Variants in SRFBP1 observed in about 807,000 individuals in gnomAD.
SRFBP1 encodes serum response factor-binding protein 1.
SRFBP1 carries 47 observed loss-of-function variants against 45.5 expected under a neutral mutation model. The observed-to-expected ratio is 1.03, with a 90% CI of 0.82 to 1.32. The LOEUF is 1.32. Ranked by LOEUF, SRFBP1 falls within the 40% of genes most tolerant of loss-of-function variation. SRFBP1 has a pLI of 0.00. For synonymous variants in SRFBP1, 203 were observed against 166.3 expected (o/e 1.22, Z -1.70); for missense variants, 621 against 484.6 (o/e 1.28, Z -2.64).
At chr5:121,995,691 A>C (rs1197393628) in intron 4 of SRFBP1, among the ~76,000 whole-genome samples, 3 of 152,150 alleles carry the variant, frequency 2.0e-5, no homozygotes, top group African/African-American at 7.2e-5. Flanking sequence ...ATAGAGACAC[A>C]AAAAACCCTT....
intron 4 of SRFBP1, among the ~76,000 whole-genome samples, chr5:121,998,125 G>C (rs906398395): frequency 2.7e-5 from 4 of 150,802 alleles, no homozygotes; most frequent in African/African-American, 9.7e-5. Flanking sequence ...CAGGGATCTA[G>C]AACTAGAAAT....
chr5:122,050,273 A>C (rs1753946854), intron 2 of SRFBP1, among the ~76,000 whole-genome samples: 1 of 152,148 alleles, frequency 6.6e-6, no homozygotes, highest in South Asian at 2.1e-4. Flanking sequence ...TGAGCTGAGG[A>C]GGAGTTCCTC....
rs905503565 is a variant in SRFBP1 at position 122,027,377 on chromosome 5, T to G, written c.*251T>G. ...TTACTTAAACTCGTATTTGAATAAGTCTCTTGGGGAGAATTATAGAATGTT... is the reference window on the plus strand; with the variant it reads ...TTACTTAAACTCGTATTTGAATAAGGCTCTTGGGGAGAATTATAGAATGTT... On this transcript the variant is annotated 3_prime_UTR_variant, in exon 8 of 8. Transcript: ENST00000339397. The G allele has an allele frequency of 6.5e-5, 17 of 261,462 alleles. No individual in the cohort carries two copies. The highest frequency in any genetic ancestry group is 1.0e-4 in the Non-Finnish European group (14 of 139,568). The allele number at this position is 261,462 out of a possible 1,614,324, so 16.2% of individuals were successfully genotyped here. A position where few individuals can be genotyped will look rare whatever the true frequency, so the allele number is the denominator to read the frequency against.
chr5:122,071,199 G>A (rs1269109580), intron 2 of SRFBP1, among the ~76,000 whole-genome samples: 2 of 150,560 alleles, frequency 1.3e-5, no homozygotes, highest in Non-Finnish European at 3.0e-5. Context: ...TTATATGTGT[G>A]TGTGTGTGTG....
intron 1 of SRFBP1, among the ~76,000 whole-genome samples, chr5:121,970,966 G>A (rs1752179232): frequency 2.6e-5 from 4 of 152,056 alleles, no homozygotes; most frequent in Non-Finnish European, 5.9e-5. Flanking sequence ...TCACAGAAAT[G>A]ACAATTGGTC....
intron 2 of SRFBP1, chr5:122,064,710 TA>T (rs1469570727): frequency 6.6e-6 from 1 of 152,018 alleles, no homozygotes; most frequent in African/African-American, 2.4e-5. Context: ...ATTGAGGTTA[TA>T]GACAGTCTTT....
rs991689339 is a variant in SRFBP1, at chr5:121,988,421, G to A, written c.199-6178G>A. ...TCACAAAAAGTTTATTACTCTTCAAGGATACAGATTAAAATCAGCAAAAGG... is the reference window on the plus strand; with the variant it reads ...TCACAAAAAGTTTATTACTCTTCAAAGATACAGATTAAAATCAGCAAAAGG... On this transcript the variant is annotated intron_variant, in intron 3 of 7. Coordinates refer to ENST00000339397, the MANE Select transcript of SRFBP1 (RefSeq NM_152546.3). Among the ~76,000 whole-genome samples the A allele has an allele frequency of 2.0e-4, 31 of 152,100 alleles. 1 individual carries two copies. Among genetic ancestry groups the A allele is most frequent in the Admixed American group, 1.7e-3 (26 of 15,272 alleles).
intron 2 of SRFBP1, 121 bp from the exon 3 acceptor site, chr5:121,975,194 C>T (rs1349021999): frequency 2.3e-5 from 22 of 973,084 alleles, no homozygotes; most frequent in Admixed American, 1.8e-4. Context: ...AGGATAGTGG[C>T]GTGTTTGTTA....
At chr5:122,029,961 TA>T (rs1439942204), downstream of SRFBP1, among the ~76,000 whole-genome samples, 1 of 152,198 alleles carries the variant, frequency 6.6e-6, no homozygotes, top group Non-Finnish European at 1.5e-5. Context: ...TGATTACCAT[TA>T]TCGAGGATAT....
At chr5:122,023,417 G>C (rs1197923050) in intron 7 of SRFBP1, among the ~76,000 whole-genome samples, 1 of 152,112 alleles carries the variant, frequency 6.6e-6, no homozygotes, top group Non-Finnish European at 1.5e-5. Context: ...TTCAAAGTCT[G>C]GTGACCTTTG....
chr5:122,052,136 C>G (rs1022183112), intron 2 of SRFBP1, among the ~76,000 whole-genome samples: 1 of 152,128 alleles, frequency 6.6e-6, no homozygotes. Flanking sequence ...TGATGGGATT[C>G]CCTTTATAGA....
At chr5:122,075,769 A>C (rs903389445), downstream of SRFBP1, among the ~76,000 whole-genome samples, 1 of 152,204 alleles carries the variant, frequency 6.6e-6, no homozygotes, top group East Asian at 1.9e-4. Context: ...GAATAAGTGA[A>C]TGAATAACAC....
Position 122,019,950 on chromosome 5 carries a change from G to T in SRFBP1, c.353-138G>T, listed in dbSNP as rs1486603987. The stretch of plus-strand genomic sequence containing the variant: ...GTCGAAAGATTTCTTTGTGAATTCA[G>T]ACCGAGTATATGTATTTAATATCAA... On this transcript the variant is annotated intron_variant, in intron 5 of 7. Coordinates refer to ENST00000339397, the MANE Select transcript of SRFBP1 (RefSeq NM_152546.3). The T allele has an allele frequency of 5.5e-5, 27 of 487,994 alleles. No homozygotes were observed. The East Asian group carries it at 9.1e-4, about 16-fold the overall frequency. 30.2% of individuals were successfully genotyped at this position (487,994 alleles called of 1,614,324 possible). A position where few individuals can be genotyped will look rare whatever the true frequency, so the allele number is the denominator to read the frequency against.
At chr5:122,015,453 T>G (rs1490676652) in intron 4 of SRFBP1, among the ~76,000 whole-genome samples, 1 of 152,344 alleles carries the variant, frequency 6.6e-6, no homozygotes, top group East Asian at 1.9e-4. Flanking sequence ...AGGATTCTAC[T>G]TGCATGTAAT....
intron 4 of SRFBP1, among the ~76,000 whole-genome samples, chr5:122,012,775 T>C (rs190270089): frequency 7.2e-5 from 11 of 152,270 alleles, no homozygotes; most frequent in African/African-American, 2.6e-4. Context: ...TGATTTCTTA[T>C]AGTGTTATAA....
chr5:122,059,101 G>A (rs185222869), intron 2 of SRFBP1, among the ~76,000 whole-genome samples: 105 of 152,260 alleles, frequency 6.9e-4, no homozygotes, highest in African/African-American at 2.2e-3. Context: ...GAAAAGAAGA[G>A]TATGTCGTTT....
chr5:122,000,189 G>A (rs552168812), intron 4 of SRFBP1, among the ~76,000 whole-genome samples: 3 of 152,104 alleles, frequency 2.0e-5, no homozygotes, highest in South Asian at 2.1e-4. Flanking sequence ...TTTATATGCA[G>A]TGTAATGATC....
intron 1 of SRFBP1, among the ~76,000 whole-genome samples, chr5:121,963,284 A>G (rs1053458780): frequency 5.9e-5 from 9 of 152,210 alleles, no homozygotes; most frequent in Non-Finnish European, 1.3e-4. Flanking sequence ...TTCAGTTGAC[A>G]GTGGAGTACA....
chr5:122,063,838 A>G (rs946819057), intron 2 of SRFBP1: 2 of 151,964 alleles, frequency 1.3e-5, no homozygotes, highest in Non-Finnish European at 2.9e-5. Context: ...GGGAATGTTT[A>G]TAAGTGTGAC....
Sources: allele counts gnomAD v4.1 joint callset (sites outside exome capture counted in the v4.1 genomes callset), GRCh38; gene constraint gnomAD v4.1.1; transcripts MANE v1.5; gene names NCBI Gene and HGNC (gene_info 2026-07-23, HGNC 2026-07-21).